Variants in RNF150 observed in about 807,000 individuals in gnomAD.
RNF150 encodes ring finger protein 150.
RNF150 carries 24 observed loss-of-function variants against 39.3 expected under a neutral mutation model. The ratio of observed to expected loss-of-function variants is 0.61; its 90% CI spans 0.44 to 0.86. RNF150 has a LOEUF of 0.86. RNF150 is among the 40% of genes least tolerant of loss of function. The pLI, the probability that RNF150 is intolerant of heterozygous loss-of-function variation, is 0.00. For synonymous variants in RNF150, 255 were observed against 227.3 expected, an observed-to-expected ratio of 1.12 and a Z score of -1.10; for missense variants, 502 against 587.8, an observed-to-expected ratio of 0.85 and a Z score of 1.51.
chr4:140,905,880 G>C (rs1022835823), intron 6 of RNF150, among the ~76,000 whole-genome samples: 1 of 152,124 alleles, frequency 6.6e-6, no homozygotes, highest in Non-Finnish European at 1.5e-5. Context: ...GTGTCCTAGA[G>C]GTGAATGGGG....
intron 1 of RNF150, among the ~76,000 whole-genome samples, chr4:141,157,217 C>T (rs1022067277): frequency 6.6e-6 from 1 of 152,004 alleles, no homozygotes; most frequent in African/African-American, 2.4e-5. Flanking sequence ...ACAATATCTC[C>T]CCCCCCAAAA....
chr4:141,108,344 AT>A (rs1345969189), intron 1 of RNF150, among the ~76,000 whole-genome samples: 5 of 152,162 alleles, frequency 3.3e-5, no homozygotes, highest in Non-Finnish European at 5.9e-5. Flanking sequence ...AATTCAATAA[AT>A]TCCATCTCTC....
intron 2 of RNF150, among the ~76,000 whole-genome samples, chr4:140,954,221 T>C (rs1732657748): frequency 6.6e-6 from 1 of 152,074 alleles, no homozygotes; most frequent in Non-Finnish European, 1.5e-5. Context: ...CTTCTTCTTA[T>C]TATTATTTTT....
rs1209491265 is a variant in RNF150, at chr4:140,866,349, T to C, written c.*1912A>G. 1 of 152,186 alleles carries C rather than the reference T, an allele frequency of 6.6e-6. No homozygotes were observed. The highest frequency in any genetic ancestry group is 1.5e-5 in the Non-Finnish European group (1 of 68,042). 9.4% of individuals were successfully genotyped at this position (152,186 alleles called of 1,614,324 possible). ...ACTCATGTTATTAAACCCTTCACAT[T>C]ATAGATGAAGAAGCCGAGGCTTAGT... is the stretch of plus-strand genomic sequence containing the variant. On this transcript the variant is annotated 3_prime_UTR_variant, in exon 7 of 7. Transcript: ENST00000515673.
chr4:140,861,413 C>G lies in RNF150; in HGVS notation c.*6848G>C, dbSNP rs1288801912. On this transcript the variant is annotated 3_prime_UTR_variant, in exon 7 of 7. Transcript: ENST00000515673. The stretch of plus-strand genomic sequence containing the variant: ...TTTTTAGAGTTTGTGACACTCTTTC[C>G]TCATTTGATAAATGTAGACCAAATT... 6.6e-6 allele frequency: 1 copy of G among 152,206 alleles called. No homozygotes were observed. Among genetic ancestry groups the G allele is most frequent in the Non-Finnish European group, 1.5e-5 (1 of 68,036 alleles). The allele number at this position is 152,206 out of a possible 1,614,324, so 9.4% of individuals were successfully genotyped here.
intron 1 of RNF150, among the ~76,000 whole-genome samples, chr4:140,989,270 T>G (rs1159413318): frequency 6.6e-6 from 1 of 152,074 alleles, no homozygotes; most frequent in Non-Finnish European, 1.5e-5. Flanking sequence ...AAAGCAGGGC[T>G]TTATTATTGT....
At chr4:141,009,814 T>G (rs1735008097) in intron 1 of RNF150, among the ~76,000 whole-genome samples, 1 of 152,180 alleles carries the variant, frequency 6.6e-6, no homozygotes, top group Admixed American at 6.5e-5. Context: ...TTGACTTTGA[T>G]TTTGGGTTAT....
intron 1 of RNF150, among the ~76,000 whole-genome samples, chr4:141,141,177 CT>C (rs1428057345): frequency 6.6e-6 from 1 of 151,896 alleles, no homozygotes; most frequent in East Asian, 1.9e-4. Context: ...AAGCCAGGTC[CT>C]GTGCTGGTTT....
intron 1 of RNF150, among the ~76,000 whole-genome samples, chr4:141,173,386 T>C (rs568566312): frequency 6.6e-6 from 1 of 152,316 alleles, no homozygotes; most frequent in East Asian, 1.9e-4. Flanking sequence ...CAGACATAAG[T>C]AAAAGAGAGA....
intron 1 of RNF150, among the ~76,000 whole-genome samples, chr4:141,158,085 G>A (rs562786698): frequency 6.6e-6 from 1 of 152,200 alleles, no homozygotes. Context: ...GAGGTCAGGA[G>A]TTCAAGAGCA....
chr4:141,024,205 G>T (rs1043911166), intron 1 of RNF150, among the ~76,000 whole-genome samples: 2 of 152,096 alleles, frequency 1.3e-5, no homozygotes, highest in African/African-American at 2.4e-5. Context: ...CTAGCAATGG[G>T]ACTACAGAAT....
chr4:140,865,497 AG>A lies in RNF150; in HGVS notation c.*2763del, dbSNP rs1728665054. ...GGGGAGGTAAAGAAGGCTATAAGGAAGGGCTGTTCCCCTTTCTTCTGAAAGA... is the reference window on the plus strand; with the variant it reads ...GGGGAGGTAAAGAAGGCTATAAGGAAGGCTGTTCCCCTTTCTTCTGAAAGA... On this transcript the variant is annotated 3_prime_UTR_variant, in exon 7 of 7. Coordinates refer to ENST00000515673, the MANE Select transcript of RNF150 (RefSeq NM_020724.2). 1 of 151,188 alleles carries A rather than the reference AG, an allele frequency of 6.6e-6. No homozygotes were observed. The highest frequency in any genetic ancestry group is 6.6e-5 in the Admixed American group (1 of 15,158). 9.4% of individuals were successfully genotyped at this position (151,188 alleles called of 1,614,324 possible).
At chr4:141,096,284 C>T (rs533724965) in intron 1 of RNF150, among the ~76,000 whole-genome samples, 10 of 148,580 alleles carry the variant, frequency 6.7e-5, no homozygotes, top group African/African-American at 2.2e-4. Flanking sequence ...ACAACTTCCA[C>T]CTCCCGGGTT....
intron 1 of RNF150, among the ~76,000 whole-genome samples, chr4:141,089,792 T>C (rs1373517119): frequency 6.6e-6 from 1 of 152,226 alleles, no homozygotes; most frequent in African/African-American, 2.4e-5. Flanking sequence ...ATTTTTTGTC[T>C]TCTTGTCAAA....
rs755235795 is a variant in RNF150, at chr4:141,132,839, C to T, written c.-31G>A. 3.4e-5 allele frequency: 53 copies of T among 1,577,990 alleles called. No homozygotes were observed. The highest frequency in any genetic ancestry group is 4.6e-5 in the Non-Finnish European group (53 of 1,153,198). On this transcript the variant is annotated 5_prime_UTR_variant, in exon 1 of 7. Transcript: ENST00000515673. This position sits in a 1 kb window ranked among gnomAD's most constrained non-coding sequence, Gnocchi z 4.9. ...TCCGCCGGGGCCCCCTCCCCGCCCC[C>T]GCGCCCTCCCTCCGTCCCGTCCCTC...
At chr4:141,200,077 GT>G (rs1177513952) in intron 1 of RNF150, among the ~76,000 whole-genome samples, 1 of 152,188 alleles carries the variant, frequency 6.6e-6, no homozygotes, top group Middle Eastern at 3.2e-3. Flanking sequence ...ATAAGGCTTA[GT>G]TTGGGCTACT....
chr4:140,917,610 T>C (rs1730892754), intron 5 of RNF150, among the ~76,000 whole-genome samples: 1 of 152,196 alleles, frequency 6.6e-6, no homozygotes, highest in South Asian at 2.1e-4. Flanking sequence ...AACACTCCAC[T>C]GTCAACATTA....
chr4:141,073,280 C>T (rs534822350), intron 1 of RNF150, among the ~76,000 whole-genome samples: 17 of 152,256 alleles, frequency 1.1e-4, no homozygotes, highest in African/African-American at 3.6e-4. Context: ...CAGAGATAGG[C>T]ACACAAGGGG....
intron 1 of RNF150, among the ~76,000 whole-genome samples, chr4:141,054,308 A>G (rs141644926): frequency 2.0e-5 from 3 of 152,316 alleles, no homozygotes; most frequent in East Asian, 1.9e-4. Flanking sequence ...CACTTCTGTC[A>G]CAGAAAATGC....
Sources: allele counts gnomAD v4.1 joint callset (sites outside exome capture counted in the v4.1 genomes callset), GRCh38; gene constraint gnomAD v4.1.1; non-coding constraint Gnocchi (gnomAD v3.1); transcripts MANE v1.5; gene names NCBI Gene and HGNC (gene_info 2026-07-23, HGNC 2026-07-21).